The following NUP214 variants were observed in gnomAD, a reference collection of about 807,000 sequenced individuals.
NUP214 encodes nucleoporin 214, also known as nuclear pore complex protein Nup214.
In NUP214, 79 loss-of-function variants were observed where a neutral mutation model predicts 196.2. That is an observed-to-expected ratio of 0.40 (90% CI 0.34 to 0.49). The LOEUF is 0.49. Ranked by LOEUF, NUP214 falls within the 20% of genes least tolerant of loss-of-function variation. The pLI is 0.58. For missense variants in NUP214, 2,468 were observed against 2,539.0 expected, an observed-to-expected ratio of 0.97 and a Z score of 0.60; for synonymous variants, 1,020 against 990.5, an observed-to-expected ratio of 1.03 and a Z score of -0.56.
chr9:131,140,628 T>A lies in NUP214; in HGVS notation c.1212T>A (p.Ile404=). 1 of 1,614,092 alleles carries A rather than the reference T, an allele frequency of 6.2e-7. No homozygotes were observed. The highest frequency in any genetic ancestry group is 2.2e-5 in the East Asian group (1 of 44,884). Residue 404 remains isoleucine, a synonymous_variant, in exon 11 of 36, where the codon ATT becomes ATA. Transcript: ENST00000359428. ...TDGVLCPFYM[I]NQNPGVKSLI... Reference sequence around the variant, plus strand: ...GTGTGCTTTGTCCATTTTATATGATTAATCAAAATCCTGGGGTTAAGTCTC... The same window carrying A: ...GTGTGCTTTGTCCATTTTATATGATAAATCAAAATCCTGGGGTTAAGTCTC...
Position 131,139,377 on chromosome 9 carries a change from G to A in NUP214, c.1102G>A (p.Asp368Asn), listed in dbSNP as rs561685309. Residue 368 changes from aspartate to asparagine, a missense_variant, in exon 10 of 36, where the codon GAC (aspartate) becomes AAC (asparagine). Asp to Asn is a conservative substitution (Grantham distance 23, BLOSUM62 1). Transcript: ENST00000359428. ...CTCCTTGCCCATGGGAGTTGTCGTA[G>A]ACTATACAAACCAAGTGGAAATCAC... ...DDSLPMGVVV[D>N]YTNQVEITIS... 2.1e-5 allele frequency: 33 copies of A among 1,604,276 alleles called. No individual in the cohort carries two copies. In the South Asian group the frequency reaches 2.8e-4, roughly 14 times the overall value.
chr9:131,182,499 T>C (rs892609131), intron 24 of NUP214, among the ~76,000 whole-genome samples: 1 of 152,238 alleles, frequency 6.6e-6, no homozygotes, highest in African/African-American at 2.4e-5. Flanking sequence ...TATAAAATTA[T>C]AGCCTGATGA....
intron 18 of NUP214, 62 bp from the exon 19 acceptor site, chr9:131,162,929 T>C: frequency 6.5e-7 from 1 of 1,532,214 alleles, no homozygotes; most frequent in Non-Finnish European, 9.0e-7. Flanking sequence ...TTTGTTTTTT[T>C]ACTGGGAGAT....
At chr9:131,147,144 C>T (rs1369376315) in intron 13 of NUP214, among the ~76,000 whole-genome samples, 6 of 151,678 alleles carry the variant, frequency 4.0e-5, no homozygotes, top group South Asian at 2.1e-4. Flanking sequence ...GTACCACCAC[C>T]GTCGGCTAAT....
At position 131,234,228 on chromosome 9, in the gene NUP214, G is replaced by A. The variant is rs1227512612; in HGVS notation, c.*741G>A. 1 of 232,714 alleles carries A rather than the reference G, an allele frequency of 4.3e-6. No individual in the cohort carries two copies. The highest frequency in any genetic ancestry group is 8.5e-6 in the Non-Finnish European group (1 of 117,804). 14.4% of individuals were successfully genotyped at this position (232,714 alleles called of 1,614,324 possible). A position where few individuals can be genotyped will look rare whatever the true frequency, so the allele number is the denominator to read the frequency against. On this transcript the variant is annotated 3_prime_UTR_variant, in exon 36 of 36. Coordinates refer to ENST00000359428, the MANE Select transcript of NUP214 (RefSeq NM_005085.4). ...CTTGAGAAGACAGCCTTTATATTCTGTATGTGGCAGTGACATTGGTAGCCA... is the reference window on the plus strand; with the variant it reads ...CTTGAGAAGACAGCCTTTATATTCTATATGTGGCAGTGACATTGGTAGCCA...
At chr9:131,207,228 A>C (rs1328758285) in intron 30 of NUP214, among the ~76,000 whole-genome samples, 1 of 152,240 alleles carries the variant, frequency 6.6e-6, no homozygotes, top group Non-Finnish European at 1.5e-5. Flanking sequence ...AATTGCCTCA[A>C]AACCTAGTAG....
intron 1 of NUP214, chr9:131,126,362 G>A (rs1831350297): frequency 6.5e-6 from 1 of 152,844 alleles, no homozygotes; most frequent in Admixed American, 6.5e-5. Context: ...AGTCCCCCAG[G>A]GATAACTTCA....
chr9:131,176,367 A>G (rs1176177295), intron 23 of NUP214, among the ~76,000 whole-genome samples: 1 of 148,302 alleles, frequency 6.7e-6, no homozygotes, highest in Non-Finnish European at 1.5e-5. Flanking sequence ...TGTGTTGCCT[A>G]GGCTGAAGGA....
chr9:131,132,869 C>T (rs1831600013), intron 6 of NUP214: 4 of 617,458 alleles, frequency 6.5e-6, no homozygotes, highest in Non-Finnish European at 8.5e-6. Context: ...AAATGGATCC[C>T]GACTTTTTAT....
rs771484504 is a variant in NUP214, at chr9:131,228,225, G to A, written c.5968G>A (p.Gly1990Arg). 2.5e-6 allele frequency: 4 copies of A among 1,606,074 alleles called. No individual in the cohort carries two copies. Among genetic ancestry groups the A allele is most frequent in the Non-Finnish European group, 3.4e-6 (4 of 1,177,008 alleles). Residue 1990 changes from glycine (G) to arginine (R), a missense_variant, in exon 33 of 36, where the codon GGG becomes AGG. Physicochemically the swap from Gly to Arg is moderately radical, Grantham distance 125 (BLOSUM62 -2). Around this residue, in one of 5 missense-constraint regions of NUP214, gnomAD observed 262 missense variants for 296.5 expected, o/e 0.88. Coordinates refer to ENST00000359428, the MANE Select transcript of NUP214 (RefSeq NM_005085.4). Reference protein sequence around the residue: ...PTFGGSPGFGGVPAFGSAPAF... With the variant: ...PTFGGSPGFGRVPAFGSAPAF... ...TTTTGGGGGATCCCCTGGGTTTGGA[G>A]GGGTGCCAGCATTCGGTTCAGCCCC...
intron 30 of NUP214, among the ~76,000 whole-genome samples, chr9:131,213,478 C>G (rs1448977980): frequency 6.6e-6 from 1 of 152,168 alleles, no homozygotes; most frequent in Non-Finnish European, 1.5e-5. Context: ...CCCAGCCTGT[C>G]AAATCACATT....
At chr9:131,160,866 G>A (rs1832609789) in intron 18 of NUP214, among the ~76,000 whole-genome samples, 1 of 152,150 alleles carries the variant, frequency 6.6e-6, no homozygotes, top group Non-Finnish European at 1.5e-5. Context: ...GAATTCTGTG[G>A]CCTGTGGACT....
rs149704755 is a variant in NUP214, at chr9:131,161,350, G to A, written c.2541-1641G>A. 5.4e-4 allele frequency among the ~76,000 whole-genome samples: 82 copies of A among 150,864 alleles called. No homozygotes were observed. The East Asian group carries it at 0.013, about 23-fold the overall frequency. On this transcript the variant is annotated intron_variant, in intron 18 of 35. Transcript: ENST00000359428. Reference sequence around the variant, plus strand: ...TCGGCTCACTGCAACCTCCGCCTCCGGGGTTCAGGCGATTCTCCTGCCTCA... The same window carrying A: ...TCGGCTCACTGCAACCTCCGCCTCCAGGGTTCAGGCGATTCTCCTGCCTCA...
rs1182704970 is a variant in NUP214, at chr9:131,133,208, C to CACA, written c.830_831insACA (p.Pro277_Lys278insGln). On this transcript the variant is annotated inframe_insertion and splice_region_variant, in exon 7 of 36. Coordinates refer to ENST00000359428, the MANE Select transcript of NUP214 (RefSeq NM_005085.4). ...CCAGATGTGGTGATGGCTCTACTAC[C>CACA]GGTATGCCTGTGGAAGAAATTTCAT... is the stretch of plus-strand genomic sequence containing the variant. The CACA allele has an allele frequency of 9.9e-6, 15 of 1,514,254 alleles. No individual in the cohort carries two copies. The highest frequency in any genetic ancestry group is 1.3e-5 in the Non-Finnish European group (15 of 1,130,572). The allele number at this position is 1,514,254 out of a possible 1,614,324, so 93.8% of individuals were successfully genotyped here.
At chr9:131,168,051 A>G (rs1199268118) in intron 21 of NUP214, among the ~76,000 whole-genome samples, 1 of 152,144 alleles carries the variant, frequency 6.6e-6, no homozygotes, top group East Asian at 1.9e-4. Context: ...CACCATGCCC[A>G]GATAATTTTT....
chr9:131,163,664 C>A (rs995389893), intron 19 of NUP214, among the ~76,000 whole-genome samples: 1 of 152,174 alleles, frequency 6.6e-6, no homozygotes, highest in African/African-American at 2.4e-5. Context: ...GAGGCACCAT[C>A]ATGTTGTGTT....
chr9:131,217,572 C>T (rs1308561280), intron 31 of NUP214, among the ~76,000 whole-genome samples: 1 of 152,072 alleles, frequency 6.6e-6, no homozygotes, highest in African/African-American at 2.4e-5. Flanking sequence ...GGAAACAAGC[C>T]CAGAATTCTG....
chr9:131,202,720 G>T (rs1833972534), intron 30 of NUP214, among the ~76,000 whole-genome samples: 1 of 151,986 alleles, frequency 6.6e-6, no homozygotes, highest in Non-Finnish European at 1.5e-5. Context: ...GGGATTACAG[G>T]CGTGAGCCAC....
At chr9:131,219,792 G>A (rs1834508469) in intron 31 of NUP214, among the ~76,000 whole-genome samples, 2 of 152,120 alleles carry the variant, frequency 1.3e-5, no homozygotes, top group African/African-American at 4.8e-5. Context: ...TGATCTTGTG[G>A]GTTTACAGGG....
Sources: allele counts gnomAD v4.1 joint callset (sites outside exome capture counted in the v4.1 genomes callset), GRCh38; gene constraint gnomAD v4.1.1; regional missense constraint gnomAD v4.1.1; transcripts MANE v1.5; gene names NCBI Gene and HGNC (gene_info 2026-07-23, HGNC 2026-07-21).